SAMD5: variants seen among roughly 807,000 people sequenced by gnomAD.
SAMD5 encodes sterile alpha motif domain-containing protein 5.
In SAMD5, 13 loss-of-function variants were observed where a neutral mutation model predicts 11.3. The observed-to-expected ratio is 1.15, with a 90% CI of 0.75 to 1.83. SAMD5 has a LOEUF of 1.83. Among genes scored for constraint, SAMD5 ranks in the 40% most tolerant of loss-of-function variants. The probability of loss-of-function intolerance (pLI) is 0.00; values close to 1 mark genes in which losing one functional copy is unlikely to be tolerated. For missense variants in SAMD5, 255 were observed against 239.1 expected (o/e 1.07, Z -0.44); for synonymous variants, 129 against 111.3 (o/e 1.16, Z -1.00).
At position 147,583,818 on chromosome 6, in the gene SAMD5, A is replaced by AACACACACACACACACACACACACAC. The variant is rs3032052; in HGVS notation, c.162+74456_162+74457insCACACACACACACACACACACACACA. On this transcript the variant is annotated intron_variant, in intron 1 of 1. Transcript: ENST00000566741. ...AAAAGGGAAAAAAGTGGAATTTTCA[A>AACACACACACACACACACACACACAC]ACACACACACACACACACACACACA... Among the ~76,000 whole-genome samples, 44 of 149,494 alleles carry AACACACACACACACACACACACACAC rather than the reference A, an allele frequency of 2.9e-4. No individual in the cohort carries two copies. In the South Asian group the frequency reaches 7.1e-3, roughly 24 times the overall value.
chr6:147,637,937 T>G, intron 1 of SAMD5, among the ~76,000 whole-genome samples: 1 of 151,362 alleles, frequency 6.6e-6, no homozygotes, highest in Admixed American at 6.6e-5. Flanking sequence ...CTCATGCACA[T>G]ATTTCAAATT....
In SAMD5 at chr6:147,604,765, A is replaced by G. The variant is rs1440481411; in HGVS notation, c.162+95378A>G. 2.0e-5 allele frequency among the ~76,000 whole-genome samples: 3 copies of G among 152,348 alleles called. No homozygotes were observed. The South Asian group carries it at 6.2e-4, about 32-fold the overall frequency. On this transcript the variant is annotated intron_variant, in intron 1 of 1. Coordinates refer to the SAMD5 transcript ENST00000566741. ...ATTTACCTACTACGTAATTGCCTTA[A>G]TGATAGCTTTCTACATACGTCTTCT...
the SAMD5 span, among the ~76,000 whole-genome samples, chr6:147,864,032 C>T: frequency 1.2e-4 from 18 of 151,538 alleles, no homozygotes; most frequent in Non-Finnish European, 4.4e-5. Context: ...TTAGTAGAGA[C>T]GGGGTTTCAC....
intron 1 of SAMD5, among the ~76,000 whole-genome samples, chr6:147,614,334 C>T (rs1170559267): frequency 6.6e-6 from 1 of 151,478 alleles, no homozygotes; most frequent in Non-Finnish European, 1.5e-5. Flanking sequence ...CTGGGTGTGG[C>T]GGTGGGCACC....
At chr6:147,934,886 A>G in the SAMD5 span, among the ~76,000 whole-genome samples, 1 of 152,122 alleles carries the variant, frequency 6.6e-6, no homozygotes, top group African/African-American at 2.4e-5. Flanking sequence ...GAGATAAGGA[A>G]CAAGTGGGCC....
At chr6:147,904,152 A>C in the SAMD5 span, among the ~76,000 whole-genome samples, 1,157 of 152,254 alleles carry the variant, frequency 7.6e-3, 16 homozygotes, top group African/African-American at 0.026. Context: ...ACTGCCAGCT[A>C]TTCACTAACA....
At chr6:147,627,958 A>T (rs567843489) in intron 1 of SAMD5, among the ~76,000 whole-genome samples, 1 of 152,248 alleles carries the variant, frequency 6.6e-6, no homozygotes, top group Non-Finnish European at 1.5e-5. Flanking sequence ...TTAATAATAA[A>T]GGCTGTTGTA....
chr6:147,764,738 T>G, the SAMD5 span, among the ~76,000 whole-genome samples: 1 of 152,220 alleles, frequency 6.6e-6, no homozygotes, highest in Non-Finnish European at 1.5e-5. Context: ...GAGCAATATT[T>G]TTGAGCAAAA....
chr6:147,555,268 A>C (rs1166763088), intron 1 of SAMD5, among the ~76,000 whole-genome samples: 2 of 152,176 alleles, frequency 1.3e-5, no homozygotes, highest in Non-Finnish European at 2.9e-5. Context: ...CTCTTGTTTG[A>C]GTTGCTGGCT....
At chr6:147,754,044 C>A in the SAMD5 span, among the ~76,000 whole-genome samples, 2 of 152,070 alleles carry the variant, frequency 1.3e-5, no homozygotes, top group Admixed American at 6.5e-5. Flanking sequence ...ATACTGATTT[C>A]TTTTCTTTTG....
At chr6:147,524,229 C>T (rs1033050810) in intron 1 of SAMD5, among the ~76,000 whole-genome samples, 19 of 151,980 alleles carry the variant, frequency 1.3e-4, no homozygotes, top group Admixed American at 1.2e-3. Context: ...CTTCTCCAAA[C>T]ACTGTGGCAT....
chr6:147,712,479 T>C (rs1180291581), intron 1 of SAMD5, among the ~76,000 whole-genome samples: 1 of 152,196 alleles, frequency 6.6e-6, no homozygotes, highest in Non-Finnish European at 1.5e-5. Context: ...TTTTTTCCGC[T>C]CCACTCATGT....
the SAMD5 span, among the ~76,000 whole-genome samples, chr6:147,897,978 A>T: frequency 3.6e-5 from 5 of 140,318 alleles, 1 homozygote; most frequent in South Asian, 6.9e-4. Flanking sequence ...AAAAAAAAGT[A>T]GCCAGGTGAG....
the SAMD5 span, among the ~76,000 whole-genome samples, chr6:147,769,964 C>A: frequency 6.6e-3 from 1,006 of 152,282 alleles, 10 homozygotes; most frequent in African/African-American, 0.023. Flanking sequence ...GTAACTGACA[C>A]CTGCTGTTGT....
intron 1 of SAMD5, among the ~76,000 whole-genome samples, chr6:147,682,537 G>C (rs957368113): frequency 6.6e-6 from 1 of 152,122 alleles, no homozygotes; most frequent in African/African-American, 2.4e-5. Context: ...AAATTTAGCT[G>C]TATGTATGGT....
At chr6:147,721,352 C>T (rs1392157084) in intron 1 of SAMD5, among the ~76,000 whole-genome samples, 2 of 151,614 alleles carry the variant, frequency 1.3e-5, no homozygotes, top group East Asian at 3.9e-4. Flanking sequence ...ACATCCTCTC[C>T]AGCACCTGTT....
intron 1 of SAMD5, among the ~76,000 whole-genome samples, chr6:147,545,604 C>T (rs1465637647): frequency 1.3e-5 from 2 of 152,016 alleles, no homozygotes; most frequent in South Asian, 2.1e-4. Flanking sequence ...TAAGGATAAG[C>T]GGACTTTAAT....
the SAMD5 span, among the ~76,000 whole-genome samples, chr6:147,803,076 A>G: frequency 0.012 from 1,870 of 152,270 alleles, 49 homozygotes; most frequent in African/African-American, 0.042. Context: ...ACAAATGGAC[A>G]TATACTAAAT....
rs1789871298 is a variant in SAMD5, at chr6:147,616,276, T to TC, written c.162+106889_162+106890insC. On this transcript the variant is annotated intron_variant, in intron 1 of 1. Coordinates refer to the SAMD5 transcript ENST00000566741. Reference sequence around the variant, plus strand: ...TATTCATATATATTTCATATATATTTATTCATATATACTTCATATATATTT... The same window carrying TC: ...TATTCATATATATTTCATATATATTTCATTCATATATACTTCATATATATTT... Among the ~76,000 whole-genome samples, 2 of 123,654 alleles carry TC rather than the reference T, an allele frequency of 1.6e-5. 1 individual carries two copies. The highest frequency in any genetic ancestry group is 1.1e-4 in the African/African-American group (2 of 18,520). The allele number at this position is 123,654 out of a possible 152,430, so 81.1% of individuals were successfully genotyped here. A position where few individuals can be genotyped will look rare whatever the true frequency, so the allele number is the denominator to read the frequency against.
Sources: gnomAD v4.1 joint callset for allele counts (sites outside exome capture counted in the v4.1 genomes callset) on GRCh38, gnomAD v4.1.1 for gene constraint, MANE v1.5 for transcripts, NCBI Gene and HGNC (gene_info 2026-07-23, HGNC 2026-07-21) for gene names.